GIGYF2: variants seen among roughly 807,000 people sequenced by gnomAD.
GIGYF2 encodes the protein GRB10-interacting GYF protein 2.
GIGYF2 carries 25 observed loss-of-function variants against 208.1 expected under a neutral mutation model. The observed-to-expected ratio is 0.12, with a 90% CI of 0.09 to 0.17. The LOEUF (loss-of-function observed/expected upper bound fraction) is 0.17. Ranked by LOEUF, GIGYF2 falls within the 10% of genes least tolerant of loss-of-function variation. GIGYF2 has a pLI of 1.00. For missense variants in GIGYF2, 1,302 were observed against 1,579.4 expected, an observed-to-expected ratio of 0.82 and a Z score of 2.98; for synonymous variants, 534 against 543.8, an observed-to-expected ratio of 0.98 and a Z score of 0.25.
intron 2 of GIGYF2, among the ~76,000 whole-genome samples, chr2:232,730,846 C>T (rs574609672): frequency 3.0e-5 from 4 of 133,526 alleles, no homozygotes; most frequent in Non-Finnish European, 4.6e-5. Context: ...TGCAGTGAGC[C>T]GAGATCCCGC....
At chr2:232,817,574 ATTC>A (rs1700952864) in intron 20 of GIGYF2, among the ~76,000 whole-genome samples, 1 of 152,204 alleles carries the variant, frequency 6.6e-6, no homozygotes, top group African/African-American at 2.4e-5. Flanking sequence ...AGTAACCACC[ATTC>A]TTCTTTCTGT....
At position 232,857,763 on chromosome 2, in the gene GIGYF2, G is replaced by T. The variant is rs1008836234; in HGVS notation, c.*903G>T. The T allele has an allele frequency of 1.3e-5, 2 of 152,566 alleles. No individual in the cohort carries two copies. The highest frequency in any genetic ancestry group is 4.8e-5 in the African/African-American group (2 of 41,426). The allele number at this position is 152,566 out of a possible 1,614,324, so 9.5% of individuals were successfully genotyped here. On this transcript the variant is annotated 3_prime_UTR_variant, in exon 29 of 29. Coordinates refer to ENST00000373563, the MANE Select transcript of GIGYF2 (RefSeq NM_001103146.3). ...GAGGCAGCTAGAATCTTTACCATAT[G>T]TATGAATTTGTATAATTTCATTTTT...
At chr2:232,731,103 G>C (rs948021019) in intron 2 of GIGYF2, 2 of 152,092 alleles carry the variant, frequency 1.3e-5, no homozygotes, top group African/African-American at 4.8e-5. Context: ...GAATTTCCTT[G>C]CTTGTTGTTG....
intron 17 of GIGYF2, among the ~76,000 whole-genome samples, chr2:232,811,721 C>T (rs1700739657): frequency 6.6e-6 from 1 of 152,164 alleles, no homozygotes; most frequent in Non-Finnish European, 1.5e-5. Flanking sequence ...TTTTCTAGAA[C>T]TCAGAAGCCA....
At chr2:232,740,602 G>A (rs1427797679) in intron 3 of GIGYF2, among the ~76,000 whole-genome samples, 1 of 152,180 alleles carries the variant, frequency 6.6e-6, no homozygotes, top group Non-Finnish European at 1.5e-5. Flanking sequence ...ATTAAGAAAT[G>A]CACTGTATTT....
rs987800485 is a variant in GIGYF2 at position 232,860,596 on chromosome 2, T to C, written c.*3736T>C. 2.0e-5 allele frequency: 3 copies of C among 152,334 alleles called. No homozygotes were observed. The highest frequency in any genetic ancestry group is 7.2e-5 in the African/African-American group (3 of 41,572). The allele number at this position is 152,334 out of a possible 1,614,324, so 9.4% of individuals were successfully genotyped here. ...ACTCTAATTAAACAGAAGTGATTCT[T>C]TGAAATGAACATATTCTGTACTGTC... On this transcript the variant is annotated 3_prime_UTR_variant, in exon 29 of 29. Coordinates refer to ENST00000373563, the MANE Select transcript of GIGYF2 (RefSeq NM_001103146.3).
At chr2:232,823,715 A>G (rs1055674991) in intron 21 of GIGYF2, among the ~76,000 whole-genome samples, 1 of 152,140 alleles carries the variant, frequency 6.6e-6, no homozygotes, top group African/African-American at 2.4e-5. Flanking sequence ...TGGCCTCTTA[A>G]ATTGGAATGT....
chr2:232,730,120 C>G, intron 2 of GIGYF2: 1 of 1,472,782 alleles, frequency 6.8e-7, no homozygotes. Flanking sequence ...GGCACATACC[C>G]CTCGATGTAG....
At position 232,791,163 on chromosome 2, in the gene GIGYF2, A is replaced by G. The variant is rs1193918187; in HGVS notation, c.1086A>G (p.Val362=). Residue 362 remains valine, a synonymous_variant, in exon 11 of 29, where the codon GTA becomes GTG. Coordinates refer to ENST00000373563, the MANE Select transcript of GIGYF2 (RefSeq NM_001103146.3). ...NKKEGEKTDR[V]GVEASEETPQ... ...AAGAAGGAGAGAAAACAGATAGAGT[A>G]GGAGTTGGTAAGGCCTCTTCTTGCC... 1.2e-6 allele frequency: 2 copies of G among 1,613,966 alleles called. No homozygotes were observed. Among genetic ancestry groups the G allele is most frequent in the Non-Finnish European group, 1.7e-6 (2 of 1,179,978 alleles).
At position 232,749,022 on chromosome 2, in the gene GIGYF2, T is replaced by C. The variant is rs1698248617; in HGVS notation, c.207T>C (p.Pro69=). 2 of 1,604,614 alleles carry C rather than the reference T, an allele frequency of 1.2e-6. No individual in the cohort carries two copies. The highest frequency in any genetic ancestry group is 3.3e-5 in the Admixed American group (2 of 60,000). Residue 69 remains proline, a synonymous_variant, in exon 5 of 29, where the codon CCT becomes CCC. Transcript: ENST00000373563. ...PSDLLDKEFL[P]ILQEEPLPPL... is the part of the protein sequence containing the mutation. ...ACCTTCTGGATAAAGAATTTCTGCC[T>C]ATCCTCCAGGAGGAACCCCTTCCAC...
chr2:232,834,625 T>C (rs1385366574), intron 22 of GIGYF2, among the ~76,000 whole-genome samples: 2 of 152,196 alleles, frequency 1.3e-5, no homozygotes, highest in Non-Finnish European at 2.9e-5. Flanking sequence ...ATTTCTTCAA[T>C]TGTATGTTCT....
chr2:232,818,794 T>C (rs951339785), intron 20 of GIGYF2, among the ~76,000 whole-genome samples: 1 of 152,168 alleles, frequency 6.6e-6, no homozygotes. Context: ...TTGCTAGCTG[T>C]ATTAAATTTC....
chr2:232,824,020 ATTG>A (rs1213690883), intron 21 of GIGYF2, among the ~76,000 whole-genome samples: 2 of 152,164 alleles, frequency 1.3e-5, no homozygotes, highest in Non-Finnish European at 2.9e-5. Flanking sequence ...CACTATTGAA[ATTG>A]TTGTGGAGTG....
At chr2:232,753,379 C>T (rs902441131) in intron 5 of GIGYF2, among the ~76,000 whole-genome samples, 3 of 152,146 alleles carry the variant, frequency 2.0e-5, no homozygotes, top group Non-Finnish European at 2.9e-5. Flanking sequence ...CTGCCTTGGC[C>T]TCCCAAAGTG....
intron 21 of GIGYF2, among the ~76,000 whole-genome samples, chr2:232,821,272 GACTT>G (rs1701073130): frequency 6.6e-6 from 1 of 152,174 alleles, no homozygotes; most frequent in African/African-American, 2.4e-5. Flanking sequence ...GTGCCATCTT[GACTT>G]ACTGCAGCCT....
chr2:232,838,710 G>A (rs756742681), intron 22 of GIGYF2, among the ~76,000 whole-genome samples: 14 of 152,108 alleles, frequency 9.2e-5, no homozygotes, highest in African/African-American at 1.7e-4. Flanking sequence ...GATCTTGATA[G>A]TGCCTTCAAA....
rs1701939321 is a variant in GIGYF2 at position 232,844,657 on chromosome 2, A to G, written c.3305+83A>G. ...GGAAGTGGGATGTTGGGTGGGCAGGAAAAGGTAGTTATTGAGTTTTTGCTT... is the reference window on the plus strand; with the variant it reads ...GGAAGTGGGATGTTGGGTGGGCAGGGAAAGGTAGTTATTGAGTTTTTGCTT... On this transcript the variant is annotated intron_variant, in intron 25 of 28. Coordinates refer to ENST00000373563, the MANE Select transcript of GIGYF2 (RefSeq NM_001103146.3). 1.5e-5 allele frequency: 13 copies of G among 892,836 alleles called. 1 individual carries two copies. The South Asian group carries it at 1.8e-4, about 12-fold the overall frequency. The allele number at this position is 892,836 out of a possible 1,614,324, so 55.3% of individuals were successfully genotyped here.
Position 232,812,482 on chromosome 2 carries a change from C to T in GIGYF2, c.2098C>T (p.Gln700Ter). 1 of 1,376,294 alleles carries T rather than the reference C, an allele frequency of 7.3e-7. No homozygotes were observed. The highest frequency in any genetic ancestry group is 1.0e-6 in the Non-Finnish European group (1 of 963,332). The allele number at this position is 1,376,294 out of a possible 1,614,324, so 85.3% of individuals were successfully genotyped here. A position where few individuals can be genotyped will look rare whatever the true frequency, so the allele number is the denominator to read the frequency against. Residue 700 changes from glutamine (Q) to a stop codon, truncating the protein, a stop_gained, in exon 18 of 29, where the codon CAG becomes TAG. Coordinates refer to ENST00000373563, the MANE Select transcript of GIGYF2 (RefSeq NM_001103146.3). LOFTEE classifies it high-confidence loss of function. ...CTGGGAGCTTCAGCCAACAGCTTCA[C>T]AGCCTACAGGTAAAAACTTAGATTA... ...SIWELQPTAS[Q>*]PTVWEGGSVW...
At chr2:232,812,162 T>G (rs1431177319) in intron 17 of GIGYF2, among the ~76,000 whole-genome samples, 1 of 152,186 alleles carries the variant, frequency 6.6e-6, no homozygotes, top group Non-Finnish European at 1.5e-5. Flanking sequence ...TATCCATCAT[T>G]TAGAAGTCAA....
Sources: gnomAD v4.1 joint callset for allele counts (sites outside exome capture counted in the v4.1 genomes callset) on GRCh38, gnomAD v4.1.1 for gene constraint, MANE v1.5 for transcripts, NCBI Gene and HGNC (gene_info 2026-07-23, HGNC 2026-07-21) for gene names.